Variants in SOX5 observed in about 807,000 individuals in gnomAD.
The protein encoded by SOX5 is SRY-box transcription factor 5, also known as transcription factor SOX-5.
SOX5 carries 9 observed loss-of-function variants against 92.0 expected under a neutral mutation model. The observed-to-expected ratio is 0.10, with a 90% CI of 0.06 to 0.17. The LOEUF is 0.17. Ranked by LOEUF, SOX5 falls within the 10% of genes least tolerant of loss-of-function variation. SOX5 has a pLI of 1.00. For missense variants in SOX5, 642 were observed against 944.5 expected (o/e 0.68, Z 4.20); for synonymous variants, 344 against 336.3 (o/e 1.02, Z -0.25).
rs532063227 is a variant in SOX5 at position 23,840,494 on chromosome 12, C to T, written c.481+5489G>A. On this transcript the variant is annotated intron_variant, in intron 3 of 14. Transcript: ENST00000451604. ...ATCAACAAATTGATTCTAAAGTCTA[C>T]AAGAAAAGGTAACAGACCCAGGACA... Among the ~76,000 whole-genome samples, 6 of 152,068 alleles carry T rather than the reference C, an allele frequency of 3.9e-5. 1 individual carries two copies. The highest frequency in any genetic ancestry group is 3.9e-4 in the Admixed American group (6 of 15,270).
At chr12:24,535,958 T>A (rs903401232) in intron 1 of SOX5, among the ~76,000 whole-genome samples, 1 of 151,996 alleles carries the variant, frequency 6.6e-6, no homozygotes, top group Non-Finnish European at 1.5e-5. Flanking sequence ...AGTCTCTCAG[T>A]AGCACTTTGC....
chr12:24,276,581 C>A (rs1447557701), intron 3 of SOX5, among the ~76,000 whole-genome samples: 1 of 152,128 alleles, frequency 6.6e-6, no homozygotes, highest in Non-Finnish European at 1.5e-5. Flanking sequence ...ACTAGTCAAT[C>A]AATAAATTAG....
intron 4 of SOX5, among the ~76,000 whole-genome samples, chr12:24,061,499 T>C (rs1487100610): frequency 6.6e-6 from 1 of 151,332 alleles, no homozygotes; most frequent in Non-Finnish European, 1.5e-5. Context: ...AGAAATAACA[T>C]TTAATGAAAA....
At chr12:23,958,284 G>A (rs1231532371) in intron 4 of SOX5, among the ~76,000 whole-genome samples, 1 of 151,876 alleles carries the variant, frequency 6.6e-6, no homozygotes, top group Non-Finnish European at 1.5e-5. Flanking sequence ...ATTTTATGAG[G>A]CATACTGAGA....
chr12:24,184,459 G>C (rs1478989272), intron 4 of SOX5, among the ~76,000 whole-genome samples: 2 of 152,136 alleles, frequency 1.3e-5, no homozygotes, highest in Admixed American at 1.3e-4. Flanking sequence ...AAAGAGAAAT[G>C]ATTTCAAGCA....
At chr12:23,637,737 G>A (rs1289955488) in intron 8 of SOX5, among the ~76,000 whole-genome samples, 2 of 152,166 alleles carry the variant, frequency 1.3e-5, no homozygotes, top group Non-Finnish European at 2.9e-5. Context: ...GCTAAAAACC[G>A]AAAGACTCCT....
At chr12:24,341,782 C>CT (rs1353825791) in intron 2 of SOX5, among the ~76,000 whole-genome samples, 1 of 152,148 alleles carries the variant, frequency 6.6e-6, no homozygotes, top group African/African-American at 2.4e-5. Flanking sequence ...TAGTGGCTTC[C>CT]TTCAAGATCC....
intron 8 of SOX5, among the ~76,000 whole-genome samples, chr12:23,634,343 G>C (rs1332100845): frequency 6.6e-6 from 1 of 152,236 alleles, no homozygotes; most frequent in Middle Eastern, 3.4e-3. Flanking sequence ...TAGAATAAAA[G>C]AGCTAGGAAG....
intron 1 of SOX5, among the ~76,000 whole-genome samples, chr12:23,898,369 C>A (rs1454278774): frequency 6.6e-6 from 1 of 152,088 alleles, no homozygotes; most frequent in Non-Finnish European, 1.5e-5. Flanking sequence ...CATGTATAGT[C>A]TCTCAATGTC....
chr12:24,388,238 CAA>C (rs1452154822), intron 1 of SOX5, among the ~76,000 whole-genome samples: 1 of 152,174 alleles, frequency 6.6e-6, no homozygotes, highest in African/African-American at 2.4e-5. Flanking sequence ...TGGAGTGACA[CAA>C]AGTCACTTAT....
At chr12:24,256,618 G>C in intron 3 of SOX5, among the ~76,000 whole-genome samples, 1 of 150,814 alleles carries the variant, frequency 6.6e-6, no homozygotes, top group Non-Finnish European at 1.5e-5. Context: ...AGTTGAAAAT[G>C]AGGGAGGGGA....
intron 8 of SOX5, 83 bp from the exon 9 acceptor site, chr12:23,604,616 G>T: frequency 7.5e-7 from 1 of 1,336,424 alleles, no homozygotes; most frequent in Non-Finnish European, 1.0e-6. Context: ...CATATATTCA[G>T]ATATGGTATT....
At chr12:24,535,620 A>G (rs1485491109) in intron 1 of SOX5, among the ~76,000 whole-genome samples, 1 of 152,216 alleles carries the variant, frequency 6.6e-6, no homozygotes, top group Non-Finnish European at 1.5e-5. Flanking sequence ...AACTTTCTGG[A>G]CACTATATCA....
rs1555114760 is a variant in SOX5, at chr12:23,530,798, A to AGTGTGTGTCT, written c.*3420_*3421insAGACACACAC. 1.8e-5 allele frequency: 2 copies of AGTGTGTGTCT among 109,472 alleles called. No individual in the cohort carries two copies. The highest frequency in any genetic ancestry group is 1.8e-4 in the Admixed American group (2 of 11,170). The allele number at this position is 109,472 out of a possible 1,614,324, so 6.8% of individuals were successfully genotyped here. On this transcript the variant is annotated 3_prime_UTR_variant, in exon 15 of 15. Transcript: ENST00000451604. ...AAGATTATTTCTCAGTGTTGGGGCAAGTGTGTGTGTGTGTGTGTGTGCGCG... is the reference window on the plus strand; with the variant it reads ...AAGATTATTTCTCAGTGTTGGGGCAAGTGTGTGTCTGTGTGTGTGTGTGTGTGTGTGCGCG...
chr12:24,000,980 T>C (rs1197701829), intron 4 of SOX5, among the ~76,000 whole-genome samples: 1 of 152,168 alleles, frequency 6.6e-6, no homozygotes, highest in African/African-American at 2.4e-5. Context: ...GCAGAATACA[T>C]ACTATTTTCA....
intron 1 of SOX5, among the ~76,000 whole-genome samples, chr12:24,477,666 C>T (rs1235751239): frequency 6.6e-6 from 1 of 152,130 alleles, no homozygotes; most frequent in Non-Finnish European, 1.5e-5. Context: ...ACAAATCCCT[C>T]AAGTCTTCTG....
chr12:23,570,363 A>T (rs1027607335), intron 10 of SOX5, among the ~76,000 whole-genome samples: 1 of 152,186 alleles, frequency 6.6e-6, no homozygotes, highest in Non-Finnish European at 1.5e-5. Flanking sequence ...GATGTCTTTG[A>T]ATGATATCTA....
chr12:23,546,399 G>A lies in SOX5; in HGVS notation c.1514C>T (p.Thr505Ile), dbSNP rs1395646738. The change falls in exon 12 of 15, where the codon ACT (threonine) becomes ATT (isoleucine). Residue 505 changes from threonine to isoleucine, a missense_variant. Coordinates refer to ENST00000451604, the MANE Select transcript of SOX5 (RefSeq NM_006940.6). Reference sequence around the variant, plus strand: ...ATTCTGTTTAACTGCCAGTTGCTGAGTCAGACTCTCCAGTGTTGTTTTTTC... The same window carrying A: ...ATTCTGTTTAACTGCCAGTTGCTGAATCAGACTCTCCAGTGTTGTTTTTTC... Reference protein sequence around the residue: ...EKEKTTLESLTQQLAVKQNEE... With the variant: ...EKEKTTLESLIQQLAVKQNEE... 6.2e-7 allele frequency: 1 copy of A among 1,605,964 alleles called. No individual in the cohort carries two copies. Among genetic ancestry groups the A allele is most frequent in the South Asian group, 1.1e-5 (1 of 90,852 alleles).
At chr12:24,260,976 C>T (rs1941999573) in intron 3 of SOX5, among the ~76,000 whole-genome samples, 1 of 152,138 alleles carries the variant, frequency 6.6e-6, no homozygotes, top group Non-Finnish European at 1.5e-5. Flanking sequence ...GCACATGCCT[C>T]AGATTCCCAA....
Sources: gnomAD v4.1 joint callset for allele counts (sites outside exome capture counted in the v4.1 genomes callset) on GRCh38, gnomAD v4.1.1 for gene constraint, MANE v1.5 for transcripts, NCBI Gene and HGNC (gene_info 2026-07-23, HGNC 2026-07-21) for gene names.